Variants in SSBP1 observed in about 807,000 individuals in gnomAD.
SSBP1 encodes single-stranded DNA-binding protein, mitochondrial.
A neutral mutation model predicts 27.0 loss-of-function variants in SSBP1; 20 were observed. That is an observed-to-expected ratio of 0.74 (90% CI 0.52 to 1.08). SSBP1 has a LOEUF of 1.08. SSBP1 is among the 50% of genes least tolerant of loss of function. The probability of loss-of-function intolerance (pLI) is 0.00; values close to 1 mark genes in which losing one functional copy is unlikely to be tolerated. For missense variants in SSBP1, 137 were observed against 182.4 expected (o/e 0.75, Z 1.44); for synonymous variants, 59 against 59.3 (o/e 1.00, Z 0.02).
At position 141,750,369 on chromosome 7, in the gene SSBP1, C is replaced by T. The variant is rs774053072; in HGVS notation, c.*15C>T. The T allele has an allele frequency of 3.1e-6, 5 of 1,591,640 alleles. No homozygotes were observed. The African/African-American group carries it at 6.8e-5, about 22-fold the overall frequency. ...AGAAGGAGTAGAAAGGATGATTCTT[C>T]TTTGGCCATCATTTGGTACAGTCTC... On this transcript the variant is annotated 3_prime_UTR_variant, in exon 7 of 7. Transcript: ENST00000265304.
At chr7:141,745,992 G>A (rs1273954879) in intron 6 of SSBP1, 6 of 991,098 alleles carry the variant, frequency 6.1e-6, no homozygotes, top group Non-Finnish European at 7.2e-6. Flanking sequence ...TACTTAGTAT[G>A]TGAAATTTCT....
chr7:141,745,636 T>A, intron 6 of SSBP1, 52 bp downstream of exon 6: 1 of 1,607,318 alleles, frequency 6.2e-7, no homozygotes, highest in Non-Finnish European at 8.5e-7. Context: ...TTTTCTTTTT[T>A]AAAAGCTTGG....
At chr7:141,744,305 A>G (rs1392586090) in intron 5 of SSBP1, among the ~76,000 whole-genome samples, 2 of 152,240 alleles carry the variant, frequency 1.3e-5, no homozygotes, top group Non-Finnish European at 1.5e-5. Flanking sequence ...GAGCAAGTCA[A>G]ACATCTGCTT....
At chr7:141,741,794 T>G in intron 2 of SSBP1, 1 of 1,009,692 alleles carries the variant, frequency 9.9e-7, no homozygotes, top group Non-Finnish European at 1.2e-6. Context: ...AACTCTTAGG[T>G]ACAGGTTGGA....
chr7:141,741,876 A>G, intron 2 of SSBP1: 1 of 885,688 alleles, frequency 1.1e-6, no homozygotes. Flanking sequence ...GTGCAAACAC[A>G]GAAGTGCCAT....
intron 2 of SSBP1, 72 bp downstream of exon 2, chr7:141,739,262 T>C (rs1799417683): frequency 7.5e-7 from 1 of 1,329,062 alleles, no homozygotes; most frequent in East Asian, 2.5e-5. Flanking sequence ...TTCTTTAGGC[T>C]TTTAACTACA....
intron 6 of SSBP1, among the ~76,000 whole-genome samples, chr7:141,749,166 A>C (rs1485450050): frequency 6.6e-6 from 1 of 152,256 alleles, no homozygotes. Context: ...ACAGCTGTTA[A>C]CATAGCATTT....
At chr7:141,743,817 T>G in intron 4 of SSBP1, 85 bp from the exon 5 acceptor site, 1 of 1,548,320 alleles carries the variant, frequency 6.5e-7, no homozygotes, top group East Asian at 2.3e-5. Flanking sequence ...TCATTCTGTT[T>G]GTTCTCTTAG....
At position 141,743,900 on chromosome 7, in the gene SSBP1, A is replaced by G; in HGVS notation, c.227-2A>G. On this transcript the variant is annotated splice_acceptor_variant, in intron 4 of 6. Transcript: ENST00000265304. LOFTEE classifies it high-confidence loss of function. Reference sequence around the variant, plus strand: ...AACCAATTTCCTATTTTTATGATTTAGGTGATGTCAGTCAAAAGACAACAT... The same window carrying G: ...AACCAATTTCCTATTTTTATGATTTGGGTGATGTCAGTCAAAAGACAACAT... The G allele has an allele frequency of 6.2e-7, 1 of 1,607,204 alleles. No homozygotes were observed. Among genetic ancestry groups the G allele is most frequent in the South Asian group, 1.1e-5 (1 of 89,732 alleles).
intron 6 of SSBP1, 131 bp from the exon 7 acceptor site, chr7:141,750,180 T>A: frequency 1.4e-6 from 1 of 700,016 alleles, no homozygotes; most frequent in East Asian, 2.9e-5. Flanking sequence ...AGCAAGTGAT[T>A]TAATATTTTG....
Position 141,750,388 on chromosome 7 carries a change from CA to C in SSBP1, c.*35del. The C allele has an allele frequency of 6.5e-7, 1 of 1,545,296 alleles. No individual in the cohort carries two copies. The highest frequency in any genetic ancestry group is 8.8e-7 in the Non-Finnish European group (1 of 1,142,834). ...ATTCTTCTTTGGCCATCATTTGGTA[CA>C]GTCTCATTTCCAAGTCATGTATAAT... On this transcript the variant is annotated 3_prime_UTR_variant, in exon 7 of 7. Transcript: ENST00000265304.
chr7:141,747,099 T>C (rs1563029938), intron 6 of SSBP1, among the ~76,000 whole-genome samples: 1 of 152,158 alleles, frequency 6.6e-6, no homozygotes, highest in African/African-American at 2.4e-5. Flanking sequence ...GACAAATTCT[T>C]CTCAATTGAC....
intron 5 of SSBP1, among the ~76,000 whole-genome samples, chr7:141,745,091 C>CT (rs1799726285): frequency 6.6e-6 from 1 of 152,108 alleles, no homozygotes; most frequent in African/African-American, 2.4e-5. Context: ...TTTTAATCAT[C>CT]TAAGTTTCTA....
chr7:141,750,234 A>T (rs958221069), intron 6 of SSBP1, 77 bp from the exon 7 acceptor site: 39 of 1,027,202 alleles, frequency 3.8e-5, no homozygotes, highest in Non-Finnish European at 5.4e-5. Flanking sequence ...CTAAAGTTAT[A>T]TGTATTAGAG....
In SSBP1 at chr7:141,743,719, G is replaced by C. The variant is rs1799659572; in HGVS notation, c.226+18G>C. ...CCAACTGGGTGAGTACAAAAGACTG[G>C]GGTTTTAATTTTATCAGCAATAAAT... On this transcript the variant is annotated intron_variant, in intron 4 of 6. Transcript: ENST00000265304. 1 of 1,609,494 alleles carries C rather than the reference G, an allele frequency of 6.2e-7. No homozygotes were observed. Among genetic ancestry groups the C allele is most frequent in the African/African-American group, 1.3e-5 (1 of 74,588 alleles).
chr7:141,746,223 G>A (rs1799784470), intron 6 of SSBP1: 1 of 153,744 alleles, frequency 6.5e-6, no homozygotes, highest in East Asian at 1.9e-4. Context: ...GTTTCACCAT[G>A]TTGGTCAGGC....
intron 6 of SSBP1, among the ~76,000 whole-genome samples, chr7:141,748,914 T>C (rs1799875976): frequency 6.6e-6 from 1 of 152,190 alleles, no homozygotes; most frequent in African/African-American, 2.4e-5. Flanking sequence ...AAGTAACCGT[T>C]CTGGACCAAA....
Position 141,743,986 on chromosome 7 carries a change from AG to A in SSBP1, c.314+1del. 6.2e-7 allele frequency: 1 copy of A among 1,610,526 alleles called. No homozygotes were observed. The highest frequency in any genetic ancestry group is 8.5e-7 in the Non-Finnish European group (1 of 1,178,780). On this transcript the variant is annotated frameshift_variant and splice_region_variant, in exon 5 of 7. Coordinates refer to ENST00000265304, the MANE Select transcript of SSBP1 (RefSeq NM_003143.3). LOFTEE classifies it high-confidence loss of function. The part of the protein sequence containing the change: ...LRDVAYQYVK[K>X]GSRIYLEGKI... ...GACGTGGCATATCAATATGTGAAAA[AG>A]GGGTAAGTTGAAGAGGGAAGGATCT... is the stretch of plus-strand genomic sequence containing the variant.
At chr7:141,746,457 T>G (rs1219224798) in intron 6 of SSBP1, 1 of 152,364 alleles carries the variant, frequency 6.6e-6, no homozygotes, top group African/African-American at 2.4e-5. Context: ...TCTTCCCACC[T>G]CAGCCTTCTC....
Sources: gnomAD v4.1 joint callset for allele counts (sites outside exome capture counted in the v4.1 genomes callset) on GRCh38, gnomAD v4.1.1 for gene constraint, MANE v1.5 for transcripts, NCBI Gene and HGNC (gene_info 2026-07-23, HGNC 2026-07-21) for gene names.